The following FOXP1 variants were observed in gnomAD, a reference collection of about 807,000 sequenced individuals.
The protein encoded by FOXP1 is forkhead box protein P1.
Under a neutral mutation model 98.2 loss-of-function variants are expected in FOXP1, and 15 were observed. That is an observed-to-expected ratio of 0.15 (90% CI 0.10 to 0.24). The LOEUF is 0.24. Ranked by LOEUF, FOXP1 falls within the 10% of genes least tolerant of loss-of-function variation. The pLI, the probability that FOXP1 is intolerant of heterozygous loss-of-function variation, is 1.00. For synonymous variants in FOXP1, 371 were observed against 314.5 expected (o/e 1.18, Z -1.90); for missense variants, 633 against 848.5 (o/e 0.75, Z 3.15).
In FOXP1 at chr3:71,087,638, G is replaced by T. The variant is rs117818948; in HGVS notation, c.282+24898C>A. 1.2e-3 allele frequency among the ~76,000 whole-genome samples: 180 copies of T among 152,240 alleles called. 1 individual carries two copies. The highest frequency in any genetic ancestry group is 1.5e-3 in the South Asian group (7 of 4,824). On this transcript the variant is annotated intron_variant, in intron 7 of 20. Transcript: ENST00000649528. ...ATACTATTTAAATTAAAAATTTACTGATTCAAGTTCAGAAAAACCCTGCTT... is the reference window on the plus strand; with the variant it reads ...ATACTATTTAAATTAAAAATTTACTTATTCAAGTTCAGAAAAACCCTGCTT...
intron 6 of FOXP1, chr3:71,197,921 T>A: frequency 6.2e-7 from 1 of 1,614,218 alleles, no homozygotes; most frequent in Non-Finnish European, 8.5e-7. Context: ...GGGGAAGGGT[T>A]AGGCTGACAC....
rs1653990 is a variant in FOXP1, at chr3:71,277,115, C to T, written c.-12+22705G>A. ...CTAGGAATACAGGCGCCCGCCACCA[C>T]GCCCAGCTAATTTTTTGTATTTTTA... On this transcript the variant is annotated intron_variant, in intron 5 of 20. Transcript: ENST00000649528. Among the ~76,000 whole-genome samples, 12 of 151,994 alleles carry T rather than the reference C, an allele frequency of 7.9e-5. No individual in the cohort carries two copies. The South Asian group carries it at 1.9e-3, about 24-fold the overall frequency.
chr3:71,012,916 A>C (rs1383588092), intron 12 of FOXP1, among the ~76,000 whole-genome samples: 1 of 152,196 alleles, frequency 6.6e-6, no homozygotes, highest in Non-Finnish European at 1.5e-5. Flanking sequence ...ATACATGTGC[A>C]TATGTTTGAT....
At chr3:71,371,902 C>T (rs1216732665) in intron 3 of FOXP1, among the ~76,000 whole-genome samples, 1 of 152,194 alleles carries the variant, frequency 6.6e-6, no homozygotes, top group African/African-American at 2.4e-5. Context: ...TCTGACCCCA[C>T]ACCACACTCG....
At chr3:71,322,117 CT>C in intron 4 of FOXP1, among the ~76,000 whole-genome samples, 3 of 152,240 alleles carry the variant, frequency 2.0e-5, no homozygotes, top group Middle Eastern at 6.8e-3. Flanking sequence ...TTTGATACAA[CT>C]CTTACATCAT....
rs947581849 is a variant in FOXP1, at chr3:71,066,136, C to T, written c.283-12363G>A. On this transcript the variant is annotated intron_variant, in intron 7 of 20. Coordinates refer to ENST00000649528, the MANE Select transcript of FOXP1 (RefSeq NM_001349338.3). ...AGGCAACAAAATCTGACCCAGTAAT[C>T]CCAGGAATTTTACTTGAAAGTACAT... 2.7e-5 allele frequency among the ~76,000 whole-genome samples: 4 copies of T among 148,274 alleles called. No homozygotes were observed. The East Asian group carries it at 8.0e-4, about 30-fold the overall frequency.
chr3:71,173,383 T>A (rs1452092185), intron 6 of FOXP1, among the ~76,000 whole-genome samples: 3 of 143,206 alleles, frequency 2.1e-5, no homozygotes, highest in African/African-American at 5.2e-5. Context: ...AAGAAAAAAT[T>A]CACACACACA....
Position 70,958,266 on chromosome 3 carries a change from ACTG to A in FOXP1, c.*978_*980del. On this transcript the variant is annotated 3_prime_UTR_variant, in exon 21 of 21. Transcript: ENST00000649528. Reference sequence around the variant, plus strand: ...ACCCCTCCCCCGAACCACCCCCAATACTGCTGCGTGGAATGAATCGGCATTGTT... The same window carrying A: ...ACCCCTCCCCCGAACCACCCCCAATACTGCGTGGAATGAATCGGCATTGTT... The A allele has an allele frequency of 1.9e-6, 1 of 533,994 alleles. No individual in the cohort carries two copies. The highest frequency in any genetic ancestry group is 3.6e-6 in the Non-Finnish European group (1 of 275,476). The allele number at this position is 533,994 out of a possible 1,614,324, so 33.1% of individuals were successfully genotyped here. A position where few individuals can be genotyped will look rare whatever the true frequency, so the allele number is the denominator to read the frequency against.
intron 2 of FOXP1, among the ~76,000 whole-genome samples, chr3:71,529,994 C>G (rs920080220): frequency 4.6e-5 from 7 of 152,078 alleles, no homozygotes; most frequent in Non-Finnish European, 8.8e-5. Flanking sequence ...GCACCTGTGT[C>G]CAAAGCAGGG....
chr3:71,367,801 G>A lies in FOXP1; in HGVS notation c.-167-8557C>T, dbSNP rs115000044. ...TTTTCTCCTTAAGAAATAAGAATTT[G>A]ACCACCAGTCCTTTCCAAGACCATA... On this transcript the variant is annotated intron_variant, in intron 3 of 20. Transcript: ENST00000649528. Among the ~76,000 whole-genome samples the A allele has an allele frequency of 5.2e-3, 791 of 152,224 alleles. 12 individuals carry two copies. Among genetic ancestry groups the A allele is most frequent in the African/African-American group, 0.018 (754 of 41,530 alleles).
At chr3:71,059,406 A>G (rs1263371063) in intron 7 of FOXP1, among the ~76,000 whole-genome samples, 2 of 152,178 alleles carry the variant, frequency 1.3e-5, no homozygotes, top group Non-Finnish European at 2.9e-5. Flanking sequence ...CAGGCACACA[A>G]GGTTACTCCA....
intron 4 of FOXP1, among the ~76,000 whole-genome samples, chr3:71,351,706 G>A (rs1309221113): frequency 6.6e-6 from 1 of 152,184 alleles, no homozygotes; most frequent in African/African-American, 2.4e-5. Context: ...AAATGCCCAG[G>A]TACGGGACCA....
chr3:71,293,381 C>CCCT (rs1210132437), intron 5 of FOXP1, among the ~76,000 whole-genome samples: 1 of 151,932 alleles, frequency 6.6e-6, no homozygotes, highest in Non-Finnish European at 1.5e-5. Context: ...GCAGGAAGAT[C>CCCT]CCTCAAGCCC....
chr3:71,180,177 A>G (rs73106151), intron 6 of FOXP1, among the ~76,000 whole-genome samples: 12,874 of 151,812 alleles, frequency 0.085, 650 homozygotes, highest in Admixed American at 0.13. Flanking sequence ...AAAAAAACCC[A>G]CCTTTTTGTT....
At chr3:71,066,978 C>T (rs190435813) in intron 7 of FOXP1, among the ~76,000 whole-genome samples, 4 of 152,266 alleles carry the variant, frequency 2.6e-5, no homozygotes, top group African/African-American at 9.6e-5. Context: ...AGTGCTTACT[C>T]AACTACTAAA....
chr3:71,222,257 C>G (rs945230817), intron 5 of FOXP1, among the ~76,000 whole-genome samples: 1 of 152,090 alleles, frequency 6.6e-6, no homozygotes, highest in South Asian at 2.1e-4. Context: ...CGCTGGCGGT[C>G]CCTGGACACA....
At position 71,216,388 on chromosome 3, in the gene FOXP1, G is replaced by A. The variant is rs767001715; in HGVS notation, c.-11-17996C>T. Among the ~76,000 whole-genome samples, 23 of 151,406 alleles carry A rather than the reference G, an allele frequency of 1.5e-4. 1 individual carries two copies. The highest frequency in any genetic ancestry group is 2.1e-4 in the South Asian group (1 of 4,786). On this transcript the variant is annotated intron_variant, in intron 5 of 20. Transcript: ENST00000649528. The stretch of plus-strand genomic sequence containing the variant: ...CAACAGGTGTAGATTTGTGATGGGA[G>A]AATTCTGACCTCACTTTTATCTGAA...
rs574270589 is a variant in FOXP1, at chr3:71,548,179, G to A, written c.-298+33370C>T. 1.0e-3 allele frequency among the ~76,000 whole-genome samples: 152 copies of A among 152,244 alleles called. 1 individual carries two copies. The highest frequency in any genetic ancestry group is 3.6e-3 in the African/African-American group (150 of 41,536). ...AAATGTGGGTGACTGGCAGATTATT[G>A]TAAACCACTGATCATCACCATTAAT... On this transcript the variant is annotated intron_variant, in intron 2 of 20. Transcript: ENST00000649528.
At chr3:71,252,732 T>C (rs1298973197) in intron 5 of FOXP1, among the ~76,000 whole-genome samples, 1 of 152,208 alleles carries the variant, frequency 6.6e-6, no homozygotes, top group Non-Finnish European at 1.5e-5. Flanking sequence ...AAACAAAATG[T>C]CCTAGGCCAA....
Sources: allele counts gnomAD v4.1 joint callset (sites outside exome capture counted in the v4.1 genomes callset), GRCh38; gene constraint gnomAD v4.1.1; transcripts MANE v1.5; gene names NCBI Gene and HGNC (gene_info 2026-07-23, HGNC 2026-07-21).